Variants in CARD10 observed in about 807,000 individuals in gnomAD.
The protein encoded by CARD10 is caspase recruitment domain family member 10.
In CARD10, 49 loss-of-function variants were observed where a neutral mutation model predicts 114.6. The observed-to-expected ratio is 0.43, with a 90% confidence interval of 0.34 to 0.54. The LOEUF (loss-of-function observed/expected upper bound fraction) is 0.54, where lower values mean the gene tolerates loss of function less well. Among genes scored for constraint, CARD10 ranks in the 20% least tolerant of loss-of-function variants. CARD10 has a pLI of 0.03. For synonymous variants in CARD10, 602 were observed against 593.2 expected, an observed-to-expected ratio of 1.01 and a Z score of -0.21; for missense variants, 1,206 against 1,397.2, an observed-to-expected ratio of 0.86 and a Z score of 2.18.
chr22:37,498,584 T>A lies in CARD10; in HGVS notation c.1788-1406A>T, dbSNP rs562734580. 1.6e-4 allele frequency among the ~76,000 whole-genome samples: 25 copies of A among 152,162 alleles called. No individual in the cohort carries two copies. In the East Asian group the frequency reaches 4.6e-3, roughly 28 times the overall value. On this transcript the variant is annotated intron_variant, in intron 11 of 19. Transcript: ENST00000251973. ...GCGGCTGCAAGGACCTCCCACCCAA[T>A]CGGCACTGCTGGGGAACAGCCCCGC...
At chr22:37,503,657 G>T (rs536606415) in intron 9 of CARD10, among the ~76,000 whole-genome samples, 82 of 152,236 alleles carry the variant, frequency 5.4e-4, no homozygotes, top group African/African-American at 1.9e-3. Context: ...CAGCCTCCCA[G>T]GGCCCAGCCT....
Position 37,506,243 on chromosome 22 carries a change from C to T in CARD10, c.1332G>A (p.Lys444=). 1 of 1,607,024 alleles carries T rather than the reference C, an allele frequency of 6.2e-7. No homozygotes were observed. Among genetic ancestry groups the T allele is most frequent in the Non-Finnish European group, 8.5e-7 (1 of 1,176,426 alleles). ...LTTLTSLEGT[K]ALLEVQLQRA... is the part of the protein sequence containing the mutation. ...GCTGCAGCTGAACCTCCAGCAGAGC[C>T]TTGGTGCCCTCCAGGCTGGTGAGCG... Residue 444 remains lysine, a synonymous_variant, in exon 7 of 20, where the codon AAG becomes AAA. Coordinates refer to ENST00000251973, the MANE Select transcript of CARD10 (RefSeq NM_014550.4).
chr22:37,510,697 A>C, intron 3 of CARD10: 1 of 454,820 alleles, frequency 2.2e-6, no homozygotes, highest in South Asian at 3.7e-5. Context: ...GCATCACGAC[A>C]CGCTGTCTGT....
At chr22:37,500,706 G>A (rs1340720191) in intron 11 of CARD10, among the ~76,000 whole-genome samples, 1 of 152,182 alleles carries the variant, frequency 6.6e-6, no homozygotes. Flanking sequence ...AGCTCCGAGG[G>A]GCCTGTGACT....
rs1484742313 is a variant in CARD10 at position 37,495,857 on chromosome 22, C to A, written c.2206G>T (p.Asp736Tyr). The change falls in exon 14 of 20, where the codon GAC (aspartate) becomes TAC (tyrosine). Residue 736 changes from aspartate (D) to tyrosine (Y), a missense_variant. Physicochemically the swap from Asp to Tyr is radical, Grantham distance 160. Around this residue, in one of 2 missense-constraint regions of CARD10, gnomAD observed 1,068 missense variants for 1,179.1 expected, o/e 0.91. Transcript: ENST00000251973. ...TCCTGCCTCCGCTTGTATGCCGAGT[C>A]CACCAGTCGAAGGATCTCTTGGGCT... ...VKAQEILRLV[D>Y]SAYKRRQEWF... 1 of 1,614,136 alleles carries A rather than the reference C, an allele frequency of 6.2e-7. No individual in the cohort carries two copies. The highest frequency in any genetic ancestry group is 1.1e-5 in the South Asian group (1 of 91,090).
chr22:37,496,913 A>G lies in CARD10; in HGVS notation c.1947+106T>C, dbSNP rs919545695. On this transcript the variant is annotated intron_variant, in intron 12 of 19. Transcript: ENST00000251973. This position sits in a 1 kb window ranked among gnomAD's most constrained non-coding sequence, Gnocchi z 4.1. The stretch of plus-strand genomic sequence containing the variant: ...ACTGAGCCCGCTTCGGCTTTGACCA[A>G]TCCCCAGAAGCTCTGCCCGGTGATC... 2.7e-5 allele frequency: 37 copies of G among 1,350,782 alleles called. No homozygotes were observed. Among genetic ancestry groups the G allele is most frequent in the Middle Eastern group, 2.3e-4 (1 of 4,324 alleles). 83.7% of individuals were successfully genotyped at this position (1,350,782 alleles called of 1,614,324 possible).
Position 37,496,576 on chromosome 22 carries a change from G to A in CARD10, c.1948-16C>T, listed in dbSNP as rs926427362. The A allele has an allele frequency of 6.3e-7, 1 of 1,585,250 alleles. No individual in the cohort carries two copies. The highest frequency in any genetic ancestry group is 8.7e-7 in the Non-Finnish European group (1 of 1,155,952). On this transcript the variant is annotated splice_polypyrimidine_tract_variant and intron_variant, in intron 12 of 19. Transcript: ENST00000251973. The surrounding 1 kb of genome is among the most constrained non-coding windows in gnomAD (Gnocchi z 4.1). ...CCACCCTTTGCTGGGAGAAAACCCA[G>A]GCAGGGAGGGAAAGAAGTGAGCCTC...
intron 11 of CARD10, among the ~76,000 whole-genome samples, chr22:37,498,277 C>G (rs921511484): frequency 2.6e-5 from 4 of 152,156 alleles, no homozygotes; most frequent in Admixed American, 2.6e-4. Flanking sequence ...GGTTTTCCTC[C>G]CATGGGCAGG....
chr22:37,501,538 A>G lies in CARD10; in HGVS notation c.1787+1064T>C, dbSNP rs1923214415. On this transcript the variant is annotated intron_variant, in intron 11 of 19. Transcript: ENST00000251973. This position sits in a 1 kb window ranked among gnomAD's most constrained non-coding sequence, Gnocchi z 5.4. ...TCCGGAGGCCAGAGGCCCTGGTCCT[A>G]TGCTGTACCCATCTGCTGCGTGACC... is the stretch of plus-strand genomic sequence containing the variant. 6.6e-6 allele frequency among the ~76,000 whole-genome samples: 1 copy of G among 152,206 alleles called. No homozygotes were observed. The highest frequency in any genetic ancestry group is 2.4e-5 in the African/African-American group (1 of 41,460).
In CARD10 at chr22:37,492,894, C is replaced by G. The variant is rs1922858537; in HGVS notation, c.2477-92G>C. ...CCCAAAACCCACCCCGCCACCCATC[C>G]CTTCCTAAGTCCTGCTGCTGCTCCT... On this transcript the variant is annotated intron_variant, in intron 16 of 19. Coordinates refer to ENST00000251973, the MANE Select transcript of CARD10 (RefSeq NM_014550.4). The surrounding 1 kb of genome is among the most constrained non-coding windows in gnomAD (Gnocchi z 5.7). 1 of 1,352,742 alleles carries G rather than the reference C, an allele frequency of 7.4e-7. No homozygotes were observed. The highest frequency in any genetic ancestry group is 1.4e-5 in the South Asian group (1 of 73,024). The allele number at this position is 1,352,742 out of a possible 1,614,324, so 83.8% of individuals were successfully genotyped here.
intron 2 of CARD10, among the ~76,000 whole-genome samples, chr22:37,517,301 A>T (rs1923872354): frequency 6.6e-6 from 1 of 152,212 alleles, no homozygotes; most frequent in Admixed American, 6.5e-5. Context: ...CAAAATACAC[A>T]CGTAGGCGTG....
rs776040169 is a variant in CARD10, at chr22:37,519,053, AC to A, written c.147del (p.Tyr50IlefsTer17). 6.3e-7 allele frequency: 1 copy of A among 1,595,280 alleles called. No individual in the cohort carries two copies. Among genetic ancestry groups the A allele is most frequent in the Non-Finnish European group, 8.5e-7 (1 of 1,177,486 alleles). Reference sequence around the variant, plus strand: ...TCGATGACCCGGCACTGGCGCAGATACGGCGTGAGCTTGGCCGGGTTCAGGG... The same window carrying A: ...TCGATGACCCGGCACTGGCGCAGATAGGCGTGAGCTTGGCCGGGTTCAGGG... ...ARALNPAKLT[P>X]YLRQCRVIDE... is the part of the protein sequence containing the mutation. On this transcript the variant is annotated frameshift_variant, in exon 1 of 20. Transcript: ENST00000251973. LOFTEE classifies it high-confidence loss of function. This position sits in a 1 kb window ranked among gnomAD's most constrained non-coding sequence, Gnocchi z 4.1.
In CARD10 at chr22:37,492,546, G is replaced by C; in HGVS notation, c.2640C>G (p.Ser880Arg). 2 of 1,601,502 alleles carry C rather than the reference G, an allele frequency of 1.2e-6. No homozygotes were observed. Among genetic ancestry groups the C allele is most frequent in the Non-Finnish European group, 1.7e-6 (2 of 1,172,656 alleles). Residue 880 changes from serine to arginine, a missense_variant, in exon 18 of 20, where the codon AGC (serine) becomes AGG (arginine). Transcript: ENST00000251973. The surrounding 1 kb of genome is among the most constrained non-coding windows in gnomAD (Gnocchi z 5.7). Reference sequence around the variant, plus strand: ...ATGGGCACAGTTCCTCCCCAGAGAGGCTTTCTGCACAGGGAGTGGAGAGGG... The same window carrying C: ...ATGGGCACAGTTCCTCCCCAGAGAGCCTTTCTGCACAGGGAGTGGAGAGGG... ...RLDFQVCPAE[S>R]LSGEELCPSS... is the part of the protein sequence containing the mutation.
Position 37,508,660 on chromosome 22 carries a change from G to T in CARD10, c.932C>A (p.Pro311Gln), listed in dbSNP as rs760532902. The T allele has an allele frequency of 1.9e-6, 3 of 1,572,712 alleles. No homozygotes were observed. In the African/African-American group the frequency reaches 4.0e-5, roughly 21 times the overall value. The change falls in exon 5 of 20, where the codon CCG (proline) becomes CAG (glutamine). Residue 311 changes from proline (P) to glutamine (Q), a missense_variant. Physicochemically the swap from Pro to Gln is moderately conservative, Grantham distance 76. Around this residue, in one of 2 missense-constraint regions of CARD10, gnomAD observed 1,068 missense variants for 1,179.1 expected, o/e 0.91. Coordinates refer to ENST00000251973, the MANE Select transcript of CARD10 (RefSeq NM_014550.4). ...GTCCAGCAGGATGCGCTCGGAGCCC[G>T]GGGCCCCCGGCCGGCTCGCCTCCTG... ...LQQEASRPGAPGSERILLDIL... is the reference protein window; with the variant it reads ...LQQEASRPGAQGSERILLDIL...
rs370094065 is a variant in CARD10, at chr22:37,492,786, G to A, written c.2493C>T (p.Leu831=). Residue 831 remains leucine, a synonymous_variant, in exon 17 of 20, where the codon CTC becomes CTT. Transcript: ENST00000251973. The surrounding 1 kb of genome is among the most constrained non-coding windows in gnomAD (Gnocchi z 5.7). Reference sequence around the variant, plus strand: ...GCGGCCGCACCAAACTGTAGGGTCTGAGGCTCCGCTCCGGCTCTGTGGCAG... The same window carrying A: ...GCGGCCGCACCAAACTGTAGGGTCTAAGGCTCCGCTCCGGCTCTGTGGCAG... The part of the protein sequence containing the change: ...LEPCAEPERS[L]RPYSLVRPLL... 6.2e-7 allele frequency: 1 copy of A among 1,612,112 alleles called. No homozygotes were observed. Among genetic ancestry groups the A allele is most frequent in the African/African-American group, 1.3e-5 (1 of 74,892 alleles).
intron 3 of CARD10, among the ~76,000 whole-genome samples, chr22:37,514,103 CAAA>C (rs5845349): frequency 0.089 from 11,832 of 133,190 alleles, 1,634 homozygotes; most frequent in African/African-American, 0.3. Flanking sequence ...GACTCCATCT[CAAA>C]AAAAAAAAAA....
At chr22:37,503,873 A>G (rs1390058263) in intron 9 of CARD10, among the ~76,000 whole-genome samples, 1 of 151,840 alleles carries the variant, frequency 6.6e-6, no homozygotes, top group Non-Finnish European at 1.5e-5. Flanking sequence ...AACATTCTCC[A>G]CGCCCCCTAG....
chr22:37,511,039 G>A (rs1002634825), intron 3 of CARD10, among the ~76,000 whole-genome samples: 12 of 145,102 alleles, frequency 8.3e-5, no homozygotes, highest in African/African-American at 2.1e-4. Context: ...CCAAGATTGC[G>A]CCGCTACACT....
chr22:37,495,453 G>A (rs903361832), intron 15 of CARD10, 64 bp downstream of exon 15: 5 of 1,343,834 alleles, frequency 3.7e-6, no homozygotes, highest in Non-Finnish European at 5.2e-6. Context: ...AACAGAGCCT[G>A]CTAGCTCCCT....
Sources: allele counts gnomAD v4.1 joint callset (sites outside exome capture counted in the v4.1 genomes callset), GRCh38; gene constraint gnomAD v4.1.1; regional missense constraint gnomAD v4.1.1; non-coding constraint Gnocchi (gnomAD v3.1); transcripts MANE v1.5; gene names NCBI Gene and HGNC (gene_info 2026-07-23, HGNC 2026-07-21).